Variants in PDZD8 observed in about 807,000 individuals in gnomAD.
The protein encoded by PDZD8 is PDZ domain containing 8.
Under a neutral mutation model 85.8 loss-of-function variants are expected in PDZD8, and 14 were observed. The observed-to-expected ratio is 0.16, with a 90% CI of 0.11 to 0.26. PDZD8 has a LOEUF of 0.26. Among genes scored for constraint, PDZD8 ranks in the 10% least tolerant of loss-of-function variants. The pLI is 1.00. For missense variants in PDZD8, 1,197 were observed against 1,424.3 expected, an observed-to-expected ratio of 0.84 and a Z score of 2.57; for synonymous variants, 592 against 568.6, an observed-to-expected ratio of 1.04 and a Z score of -0.59.
At position 117,285,380 on chromosome 10, in the gene PDZD8, C is replaced by T. The variant is rs372792308; in HGVS notation, c.1353G>A (p.Gln451=). 4 of 1,614,020 alleles carry T rather than the reference C, an allele frequency of 2.5e-6. No homozygotes were observed. Among genetic ancestry groups the T allele is most frequent in the Non-Finnish European group, 3.4e-6 (4 of 1,180,028 alleles). Residue 451 remains glutamine (Q), a synonymous_variant, in exon 5 of 5, where the codon CAG becomes CAA. Coordinates refer to ENST00000334464, the MANE Select transcript of PDZD8 (RefSeq NM_173791.5). ...CTTGCAGCACTGCACCTTGATTACTCTGGCCAACAGGCCTTTCATAGTACA... is the reference window on the plus strand; with the variant it reads ...CTTGCAGCACTGCACCTTGATTACTTTGGCCAACAGGCCTTTCATAGTACA... ...VLVYYERPVG[Q]SNQGAVLQDN... is the part of the protein sequence containing the mutation.
chr10:117,329,553 TA>T (rs1165498039), intron 2 of PDZD8, among the ~76,000 whole-genome samples: 1 of 152,078 alleles, frequency 6.6e-6, no homozygotes, highest in African/African-American at 2.4e-5. Context: ...AGAGTTCCAA[TA>T]ATGGAACACT....
At chr10:117,318,837 T>TTA (rs965304875) in intron 3 of PDZD8, 35 bp downstream of exon 3, 1 of 1,434,702 alleles carries the variant, frequency 7.0e-7, no homozygotes, top group African/African-American at 1.4e-5. Context: ...AAATAGAACT[T>TTA]TATATAGATA....
chr10:117,368,193 T>C (rs940068645), intron 1 of PDZD8, among the ~76,000 whole-genome samples: 1 of 152,182 alleles, frequency 6.6e-6, no homozygotes, highest in African/African-American at 2.4e-5. Flanking sequence ...TGAAGATAAA[T>C]GACTATTTTT....
rs1185748444 is a variant in PDZD8, at chr10:117,374,242, C to A, written c.872+114G>T. On this transcript the variant is annotated intron_variant, in intron 1 of 4. Coordinates refer to ENST00000334464, the MANE Select transcript of PDZD8 (RefSeq NM_173791.5). The surrounding 1 kb of genome is among the most constrained non-coding windows in gnomAD (Gnocchi z 7.8). ...TGGGGCCCTGTCCAGGGTGGGAAGGCCCCAGAAGCAGGCGCCAGGACAGAA... is the reference window on the plus strand; with the variant it reads ...TGGGGCCCTGTCCAGGGTGGGAAGGACCCAGAAGCAGGCGCCAGGACAGAA... The A allele has an allele frequency of 6.8e-7, 1 of 1,480,970 alleles. No homozygotes were observed. The highest frequency in any genetic ancestry group is 9.0e-7 in the Non-Finnish European group (1 of 1,105,036). 91.7% of individuals were successfully genotyped at this position (1,480,970 alleles called of 1,614,324 possible). A position where few individuals can be genotyped will look rare whatever the true frequency, so the allele number is the denominator to read the frequency against.
At chr10:117,286,055 G>C (rs559177887) in intron 4 of PDZD8, among the ~76,000 whole-genome samples, 1 of 152,288 alleles carries the variant, frequency 6.6e-6, no homozygotes, top group East Asian at 1.9e-4. Context: ...TTCAAAACCA[G>C]AAAGAACAAG....
chr10:117,322,571 C>T (rs955583478), intron 2 of PDZD8, among the ~76,000 whole-genome samples: 8 of 152,088 alleles, frequency 5.3e-5, no homozygotes, highest in Non-Finnish European at 2.9e-5. Context: ...GCAGGGGGCA[C>T]GAACTCTAGT....
intron 4 of PDZD8, 125 bp from the exon 5 acceptor site, chr10:117,285,596 A>G: frequency 8.7e-7 from 1 of 1,147,264 alleles, no homozygotes; most frequent in Middle Eastern, 3.1e-4. Context: ...TAATAGAAGA[A>G]TAATAGGAAA....
chr10:117,280,210 T>C lies in PDZD8; in HGVS notation c.*3058A>G, dbSNP rs1173509498. ...ATTATGATTGCTAATAATGCTAAAA[T>C]GTTGCTCAGTTTGTCTAAGCCATTC... On this transcript the variant is annotated 3_prime_UTR_variant, in exon 5 of 5. Coordinates refer to ENST00000334464, the MANE Select transcript of PDZD8 (RefSeq NM_173791.5). The C allele has an allele frequency of 1.3e-5, 2 of 152,192 alleles. No homozygotes were observed. Among genetic ancestry groups the C allele is most frequent in the African/African-American group, 2.4e-5 (1 of 41,446 alleles). 9.4% of individuals were successfully genotyped at this position (152,192 alleles called of 1,614,324 possible).
chr10:117,327,280 T>C (rs1044122908), intron 2 of PDZD8, among the ~76,000 whole-genome samples: 4 of 152,222 alleles, frequency 2.6e-5, no homozygotes, highest in Non-Finnish European at 5.9e-5. Flanking sequence ...GGTGAGACTG[T>C]GACCAAATGG....
Position 117,279,573 on chromosome 10 carries a change from GA to G in PDZD8, c.*3694del, listed in dbSNP as rs1844549618. 6.6e-6 allele frequency: 1 copy of G among 152,142 alleles called. No homozygotes were observed. Among genetic ancestry groups the G allele is most frequent in the South Asian group, 2.1e-4 (1 of 4,824 alleles). 9.4% of individuals were successfully genotyped at this position (152,142 alleles called of 1,614,324 possible). On this transcript the variant is annotated 3_prime_UTR_variant, in exon 5 of 5. Transcript: ENST00000334464. ...GGTAAAAGCCACCCCAGGTTAGCTT[GA>G]CCATACTTTTTTGGCTTTCCACAAT... is the stretch of plus-strand genomic sequence containing the variant.
intron 1 of PDZD8, among the ~76,000 whole-genome samples, chr10:117,359,604 G>A (rs184865635): frequency 1.8e-3 from 275 of 152,168 alleles, no homozygotes; most frequent in Admixed American, 3.7e-3. Flanking sequence ...CCAACTGCTC[G>A]AGAGGCTGAG....
chr10:117,290,302 C>T lies in PDZD8; in HGVS notation c.1145G>A (p.Arg382His), dbSNP rs757038057. ...ATACCCATCAGTTGACTGGACAAGA[C>T]GAAGTGTAAGTCCAACACTTTGTAA... is the stretch of plus-strand genomic sequence containing the variant. ...GNLQSVGLTL[R>H]LVQSTDGYAG... is the part of the protein sequence containing the mutation. The change falls in exon 4 of 5, where the codon CGT becomes CAT. Residue 382 changes from arginine to histidine, a missense_variant. Physicochemically the swap from Arg to His is conservative, Grantham distance 29. This residue lies in a region of PDZD8 where 344 missense variants were observed against 453.6 expected (regional missense o/e 0.76). Coordinates refer to ENST00000334464, the MANE Select transcript of PDZD8 (RefSeq NM_173791.5). The T allele has an allele frequency of 4.3e-6, 7 of 1,612,966 alleles. No homozygotes were observed. The highest frequency in any genetic ancestry group is 5.9e-6 in the Non-Finnish European group (7 of 1,179,378).
At chr10:117,344,077 GC>G (rs1322250608) in intron 1 of PDZD8, among the ~76,000 whole-genome samples, 1 of 151,976 alleles carries the variant, frequency 6.6e-6, no homozygotes, top group Non-Finnish European at 1.5e-5. Context: ...AGGCTTCCCC[GC>G]AAAATAGTCT....
Position 117,374,236 on chromosome 10 carries a change from G to C in PDZD8, c.872+120C>G. 1 of 1,440,586 alleles carries C rather than the reference G, an allele frequency of 6.9e-7. No homozygotes were observed. Among genetic ancestry groups the C allele is most frequent in the Non-Finnish European group, 9.3e-7 (1 of 1,073,810 alleles). 89.2% of individuals were successfully genotyped at this position (1,440,586 alleles called of 1,614,324 possible). Reference sequence around the variant, plus strand: ...TTGATCTGGGGCCCTGTCCAGGGTGGGAAGGCCCCAGAAGCAGGCGCCAGG... The same window carrying C: ...TTGATCTGGGGCCCTGTCCAGGGTGCGAAGGCCCCAGAAGCAGGCGCCAGG... On this transcript the variant is annotated intron_variant, in intron 1 of 4. Coordinates refer to ENST00000334464, the MANE Select transcript of PDZD8 (RefSeq NM_173791.5). This position sits in a 1 kb window ranked among gnomAD's most constrained non-coding sequence, Gnocchi z 7.8.
At chr10:117,319,429 ACACACT>A (rs71013658) in intron 2 of PDZD8, among the ~76,000 whole-genome samples, 34,324 of 78,410 alleles carry the variant, frequency 0.44, 4,607 homozygotes, top group Non-Finnish European at 0.55. Flanking sequence ...ACACACACAC[ACACACT>A]CTTCATCTAC....
chr10:117,326,548 G>A (rs931147196), intron 2 of PDZD8, among the ~76,000 whole-genome samples: 3 of 152,174 alleles, frequency 2.0e-5, no homozygotes, highest in Admixed American at 6.5e-5. Flanking sequence ...CAATCAAACA[G>A]CTTCTGTAGG....
chr10:117,300,037 T>C (rs1843819024), intron 3 of PDZD8, among the ~76,000 whole-genome samples: 1 of 149,946 alleles, frequency 6.7e-6, no homozygotes, highest in African/African-American at 2.4e-5. Flanking sequence ...AGGGAACCTA[T>C]ATGCTAGCAC....
rs1159830784 is a variant in PDZD8 at position 117,374,208 on chromosome 10, G to A, written c.872+148C>T. On this transcript the variant is annotated intron_variant, in intron 1 of 4. Transcript: ENST00000334464. This position sits in a 1 kb window ranked among gnomAD's most constrained non-coding sequence, Gnocchi z 7.8. ...GAAGCAAAGCAAGTGTTCACGACTC[G>A]CCTTGATCTGGGGCCCTGTCCAGGG... The A allele has an allele frequency of 3.1e-6, 4 of 1,270,320 alleles. No individual in the cohort carries two copies. Among genetic ancestry groups the A allele is most frequent in the Non-Finnish European group, 3.2e-6 (3 of 937,378 alleles). The allele number at this position is 1,270,320 out of a possible 1,614,324, so 78.7% of individuals were successfully genotyped here.
chr10:117,300,859 T>C (rs902666960), intron 3 of PDZD8, among the ~76,000 whole-genome samples: 1 of 152,192 alleles, frequency 6.6e-6, no homozygotes, highest in African/African-American at 2.4e-5. Flanking sequence ...ACAGTGAATC[T>C]GCTGGTGCCC....
Sources: gnomAD v4.1 joint callset for allele counts (sites outside exome capture counted in the v4.1 genomes callset) on GRCh38, gnomAD v4.1.1 for gene constraint, gnomAD v4.1.1 regional missense constraint, Gnocchi (gnomAD v3.1) non-coding constraint, MANE v1.5 for transcripts, NCBI Gene and HGNC (gene_info 2026-07-23, HGNC 2026-07-21) for gene names.